Variants in PEMT observed in about 807,000 individuals in gnomAD.
PEMT encodes the protein phospholipid methyltransferase.
Under a neutral mutation model 27.4 loss-of-function variants are expected in PEMT, and 23 were observed. The ratio of observed to expected loss-of-function variants is 0.84; its 90% CI spans 0.60 to 1.19. The LOEUF is 1.19. Among genes scored for constraint, PEMT ranks in the 50% most tolerant of loss-of-function variants. PEMT has a pLI of 0.00. For synonymous variants in PEMT, 137 were observed against 139.1 expected (o/e 0.98, Z 0.11); for missense variants, 307 against 310.1 (o/e 0.99, Z 0.07).
intron 2 of PEMT, among the ~76,000 whole-genome samples, chr17:17,545,962 C>G (rs1417283117): frequency 6.6e-6 from 1 of 152,230 alleles, no homozygotes; most frequent in African/African-American, 2.4e-5. Flanking sequence ...AAATCTCTTT[C>G]CTTCTGGAAG....
Position 17,591,614 on chromosome 17 carries a change from C to T in PEMT, c.13G>A (p.Gly5Arg). Residue 5 changes from glycine to arginine, a missense_variant, in exon 1 of 7, where the codon GGG becomes AGG. Transcript: ENST00000255389. Reference protein sequence around the residue: MKRSGNPGAEVTNSS... With the variant: MKRSRNPGAEVTNSS... ...TTCGTTACCTCGGCTCCCGGGTTCC[C>T]AGATCTCTTCATCCGGGGGCCGCCT... The T allele has an allele frequency of 6.2e-7, 1 of 1,612,696 alleles. No homozygotes were observed. The highest frequency in any genetic ancestry group is 8.5e-7 in the Non-Finnish European group (1 of 1,179,464).
In PEMT at chr17:17,505,847, G is replaced by C; in HGVS notation, c.655C>G (p.Pro219Ala). The C allele has an allele frequency of 6.2e-7, 1 of 1,609,460 alleles. No individual in the cohort carries two copies. Among genetic ancestry groups the C allele is most frequent in the Non-Finnish European group, 8.5e-7 (1 of 1,177,588 alleles). The change falls in exon 7 of 7, where the codon CCC becomes GCC. Residue 219 changes from proline (P) to alanine (A), a missense_variant and splice_region_variant. Coordinates refer to ENST00000255389, the MANE Select transcript of PEMT (RefSeq NM_148172.3). Reference sequence around the variant, plus strand: ...TGCCGGTAGATCTCAGCGGTGAAGGGCCTGCCGGGCAGCGGGGAGAGGCTT... The same window carrying C: ...TGCCGGTAGATCTCAGCGGTGAAGGCCCTGCCGGGCAGCGGGGAGAGGCTT... ...TYIVALLYEE[P>A]FTAEIYRQKA...
At chr17:17,549,228 C>T (rs1597918411) in intron 2 of PEMT, among the ~76,000 whole-genome samples, 1 of 151,890 alleles carries the variant, frequency 6.6e-6, no homozygotes, top group Admixed American at 6.6e-5. Context: ...CTCACTCTGT[C>T]GCCCAGGCTG....
intron 2 of PEMT, among the ~76,000 whole-genome samples, chr17:17,563,539 G>C (rs553924712): frequency 6.6e-6 from 1 of 152,354 alleles, no homozygotes; most frequent in East Asian, 1.9e-4. Flanking sequence ...AGGAAGGCCA[G>C]AAAGGCGACT....
intron 3 of PEMT, among the ~76,000 whole-genome samples, chr17:17,520,806 GC>G (rs550540873): frequency 1.0e-3 from 152 of 152,378 alleles, no homozygotes; most frequent in African/African-American, 3.4e-3. Context: ...AAGGCCAGGA[GC>G]CAGGGGTCCA....
intron 1 of PEMT, among the ~76,000 whole-genome samples, chr17:17,589,782 T>C (rs1009823566): frequency 1.3e-5 from 2 of 152,182 alleles, no homozygotes; most frequent in African/African-American, 4.8e-5. Context: ...TTTCTTTCTT[T>C]AAGAAAAATC....
intron 6 of PEMT, 152 bp from the exon 7 acceptor site, chr17:17,506,000 G>A: frequency 7.5e-7 from 1 of 1,328,462 alleles, no homozygotes; most frequent in East Asian, 2.6e-5. Context: ...CTGACTTGGA[G>A]CCTTCAGAGC....
intron 3 of PEMT, among the ~76,000 whole-genome samples, chr17:17,520,811 G>A (rs1907208191): frequency 6.6e-6 from 1 of 152,260 alleles, no homozygotes; most frequent in African/African-American, 2.4e-5. Flanking sequence ...CAGGAGCCAG[G>A]GGTCCAGTGC....
intron 2 of PEMT, among the ~76,000 whole-genome samples, chr17:17,541,846 T>C (rs1231326025): frequency 6.6e-6 from 1 of 152,160 alleles, no homozygotes; most frequent in African/African-American, 2.4e-5. Context: ...AAACGGCTGC[T>C]ACCCCTGGCC....
At chr17:17,543,868 A>T (rs1909064125) in intron 2 of PEMT, among the ~76,000 whole-genome samples, 1 of 152,224 alleles carries the variant, frequency 6.6e-6, no homozygotes, top group Non-Finnish European at 1.5e-5. Context: ...CAGCCAGCTC[A>T]TGCCTTTTTT....
chr17:17,555,863 T>G (rs1485439933), intron 2 of PEMT, among the ~76,000 whole-genome samples: 1 of 152,184 alleles, frequency 6.6e-6, no homozygotes, highest in African/African-American at 2.4e-5. Context: ...GTGGCTCCCA[T>G]AGAAGGAGGG....
intron 2 of PEMT, among the ~76,000 whole-genome samples, chr17:17,576,207 T>A (rs1392265268): frequency 1.3e-5 from 2 of 151,820 alleles, no homozygotes; most frequent in Non-Finnish European, 2.9e-5. Flanking sequence ...CTGGGAGGTG[T>A]GGGAGGCATC....
chr17:17,506,448 G>A, intron 5 of PEMT, 147 bp from the exon 6 acceptor site: 3 of 582,886 alleles, frequency 5.1e-6, no homozygotes, highest in Non-Finnish European at 9.2e-6. Flanking sequence ...AGGCAGCACT[G>A]CCCCTTCCTG....
intron 1 of PEMT, 135 bp from the exon 2 acceptor site, chr17:17,577,162 C>G (rs995650190): frequency 1.5e-6 from 1 of 674,420 alleles, no homozygotes; most frequent in Non-Finnish European, 2.6e-6. Flanking sequence ...AAGGTTACTA[C>G]AGTGTAGTCT....
chr17:17,563,603 G>A (rs181860369), intron 2 of PEMT, among the ~76,000 whole-genome samples: 124 of 152,314 alleles, frequency 8.1e-4, no homozygotes, highest in Non-Finnish European at 1.5e-3. Context: ...GCCCATCCAC[G>A]CTGGCTTTAT....
At chr17:17,537,582 T>A (rs564186109) in intron 2 of PEMT, among the ~76,000 whole-genome samples, 2 of 152,348 alleles carry the variant, frequency 1.3e-5, no homozygotes, top group South Asian at 4.1e-4. Flanking sequence ...AGCTGCTGAT[T>A]AGTCATGCTC....
At chr17:17,574,018 C>A (rs941398646) in intron 2 of PEMT, among the ~76,000 whole-genome samples, 2 of 152,034 alleles carry the variant, frequency 1.3e-5, no homozygotes, top group Non-Finnish European at 2.9e-5. Flanking sequence ...CTTGGCTCAA[C>A]TGATCCACCC....
At chr17:17,515,323 T>C (rs1300299321) in intron 3 of PEMT, among the ~76,000 whole-genome samples, 1 of 152,110 alleles carries the variant, frequency 6.6e-6, no homozygotes, top group African/African-American at 2.4e-5. Flanking sequence ...AGTAGGCAAA[T>C]CAGATCTGCT....
At chr17:17,526,889 C>G (rs967986658) in intron 2 of PEMT, among the ~76,000 whole-genome samples, 6 of 152,176 alleles carry the variant, frequency 3.9e-5, no homozygotes, top group African/African-American at 1.4e-4. Context: ...CCTCCCACCC[C>G]ACAAGGCCTA....
Sources: allele counts gnomAD v4.1 joint callset (sites outside exome capture counted in the v4.1 genomes callset), GRCh38; gene constraint gnomAD v4.1.1; transcripts MANE v1.5; gene names NCBI Gene and HGNC (gene_info 2026-07-23, HGNC 2026-07-21).